Variants in SEMA6D observed in about 807,000 individuals in gnomAD.
SEMA6D encodes semaphorin 6D, also known as semaphorin-6D.
In SEMA6D, 35 loss-of-function variants were observed where a neutral mutation model predicts 106.6. The ratio of observed to expected loss-of-function variants is 0.33; its 90% confidence interval spans 0.25 to 0.44. The LOEUF (loss-of-function observed/expected upper bound fraction) is 0.44, where lower values mean the gene tolerates loss of function less well. Ranked by LOEUF, SEMA6D falls within the 20% of genes least tolerant of loss-of-function variation. SEMA6D has a pLI of 1.00. For missense variants in SEMA6D, 1,185 were observed against 1,345.9 expected (o/e 0.88, Z 1.87); for synonymous variants, 499 against 487.7 (o/e 1.02, Z -0.31).
intron 1 of SEMA6D, among the ~76,000 whole-genome samples, chr15:47,387,940 G>A (rs767755866): frequency 1.3e-5 from 2 of 152,160 alleles, no homozygotes; most frequent in Admixed American, 6.5e-5. Flanking sequence ...TAGTGCCTAA[G>A]CTCTAATACT....
At chr15:47,205,730 A>G (rs1032202146) in intron 1 of SEMA6D, among the ~76,000 whole-genome samples, 1 of 152,078 alleles carries the variant, frequency 6.6e-6, no homozygotes, top group Non-Finnish European at 1.5e-5. Flanking sequence ...GACCATAATA[A>G]GCTAAAAATT....
At chr15:47,352,089 G>C (rs1436804235) in intron 1 of SEMA6D, among the ~76,000 whole-genome samples, 3 of 152,068 alleles carry the variant, frequency 2.0e-5, no homozygotes, top group Admixed American at 6.6e-5. Context: ...CTGGAAATCT[G>C]TTTCCCACTG....
At chr15:47,726,681 G>A (rs536876409) in intron 1 of SEMA6D, among the ~76,000 whole-genome samples, 8 of 152,156 alleles carry the variant, frequency 5.3e-5, no homozygotes, top group African/African-American at 1.7e-4. Context: ...CCACCTCCTA[G>A]GGGTGTTGTG....
intron 1 of SEMA6D, among the ~76,000 whole-genome samples, chr15:47,335,127 A>G (rs1448564468): frequency 6.6e-6 from 1 of 152,110 alleles, no homozygotes; most frequent in African/African-American, 2.4e-5. Flanking sequence ...GTATGGGGGA[A>G]GGGCAAAACC....
chr15:47,595,605 A>T (rs1347468), intron 3 of SEMA6D, among the ~76,000 whole-genome samples: 1 of 152,022 alleles, frequency 6.6e-6, no homozygotes, highest in Non-Finnish European at 1.5e-5. Flanking sequence ...TCATGAAAAG[A>T]GTTCCAAAGT....
At chr15:47,248,066 TTATAAA>T (rs2033300454) in intron 1 of SEMA6D, among the ~76,000 whole-genome samples, 1 of 152,148 alleles carries the variant, frequency 6.6e-6, no homozygotes, top group Non-Finnish European at 1.5e-5. Context: ...TCAAAGTACC[TTATAAA>T]TACATGGTAG....
Position 47,761,335 on chromosome 15 carries a change from A to G in SEMA6D, c.351A>G (p.Glu117=), listed in dbSNP as rs1333827431. Residue 117 remains glutamate, a synonymous_variant, in exon 6 of 19, where the codon GAA becomes GAG. Coordinates refer to ENST00000536845, the MANE Select transcript of SEMA6D (RefSeq NM_001358351.3). ...NCAMKGKHKD[E]CHNFIKVFVP... ...GTAACTACTACTTTCTTTAGGATGA[A>G]TGCCACAACTTTATCAAAGTATTTG... 3.1e-6 allele frequency: 5 copies of G among 1,612,544 alleles called. No homozygotes were observed. The highest frequency in any genetic ancestry group is 1.7e-4 in the Middle Eastern group (1 of 6,046).
At chr15:47,571,940 C>A (rs1244018615) in intron 3 of SEMA6D, among the ~76,000 whole-genome samples, 2 of 152,160 alleles carry the variant, frequency 1.3e-5, no homozygotes, top group African/African-American at 4.8e-5. Context: ...AAAAACAAAA[C>A]CTATTATTTT....
chr15:47,748,340 C>T (rs1363735926), intron 1 of SEMA6D, among the ~76,000 whole-genome samples: 1 of 152,234 alleles, frequency 6.6e-6, no homozygotes, highest in Non-Finnish European at 1.5e-5. Flanking sequence ...TTCTTTATTT[C>T]TTCCTCCATT....
intron 1 of SEMA6D, among the ~76,000 whole-genome samples, chr15:47,252,695 G>A (rs1014658910): frequency 3.3e-5 from 5 of 151,792 alleles, no homozygotes; most frequent in African/African-American, 1.2e-4. Flanking sequence ...ATGTCCTCTG[G>A]GTTTATCCAT....
At chr15:47,709,724 G>A (rs72735848) in intron 4 of SEMA6D, among the ~76,000 whole-genome samples, 8,202 of 152,102 alleles carry the variant, frequency 0.054, 205 homozygotes, top group African/African-American at 0.067. Flanking sequence ...AGAAATGTCA[G>A]CCCTTGTATA....
At chr15:47,314,952 G>T (rs1349247035) in intron 1 of SEMA6D, among the ~76,000 whole-genome samples, 1 of 141,160 alleles carries the variant, frequency 7.1e-6, no homozygotes, top group Non-Finnish European at 1.5e-5. Flanking sequence ...TGCAAGCTCC[G>T]CCTCCCGGGT....
intron 4 of SEMA6D, among the ~76,000 whole-genome samples, chr15:47,610,092 TA>T (rs2076866077): frequency 6.6e-6 from 1 of 152,232 alleles, no homozygotes; most frequent in African/African-American, 2.4e-5. Context: ...AGAGGGGTCT[TA>T]CTAAGGAAGT....
At chr15:47,220,906 C>A (rs1261754360) in intron 1 of SEMA6D, among the ~76,000 whole-genome samples, 1 of 152,130 alleles carries the variant, frequency 6.6e-6, no homozygotes, top group Non-Finnish European at 1.5e-5. Context: ...ATTTGATAAA[C>A]CCTCCTTATT....
At chr15:47,338,897 C>T (rs939914099) in intron 1 of SEMA6D, among the ~76,000 whole-genome samples, 1 of 152,168 alleles carries the variant, frequency 6.6e-6, no homozygotes, top group Non-Finnish European at 1.5e-5. Flanking sequence ...ACCCTTATCT[C>T]AGAGACATTC....
intron 1 of SEMA6D, among the ~76,000 whole-genome samples, chr15:47,230,794 A>G (rs1351135723): frequency 6.6e-6 from 1 of 152,054 alleles, no homozygotes; most frequent in Non-Finnish European, 1.5e-5. Context: ...GGTTTTAACA[A>G]GCACTGCAGG....
chr15:47,514,867 A>C (rs986951942), intron 3 of SEMA6D, among the ~76,000 whole-genome samples: 3 of 152,212 alleles, frequency 2.0e-5, no homozygotes, highest in Admixed American at 1.3e-4. Context: ...CAGAGGCACT[A>C]GATTAGAGAT....
intron 4 of SEMA6D, among the ~76,000 whole-genome samples, chr15:47,601,121 AG>A (rs2076648812): frequency 1.3e-5 from 2 of 152,050 alleles, no homozygotes; most frequent in Admixed American, 6.6e-5. Context: ...AGAGAGAAAG[AG>A]AGAGAGAGAC....
intron 3 of SEMA6D, among the ~76,000 whole-genome samples, chr15:47,498,629 A>G (rs1395961226): frequency 6.6e-6 from 1 of 152,158 alleles, no homozygotes; most frequent in Non-Finnish European, 1.5e-5. Flanking sequence ...AAATGCATAT[A>G]TTTTCACCAA....
Sources: gnomAD v4.1 joint callset for allele counts (sites outside exome capture counted in the v4.1 genomes callset) on GRCh38, gnomAD v4.1.1 for gene constraint, MANE v1.5 for transcripts, NCBI Gene and HGNC (gene_info 2026-07-23, HGNC 2026-07-21) for gene names.